CACNA1I: variants seen among roughly 807,000 people sequenced by gnomAD.
CACNA1I encodes calcium voltage-gated channel subunit alpha1 I.
Under a neutral mutation model 201.6 loss-of-function variants are expected in CACNA1I, and 74 were observed. That is an observed-to-expected ratio of 0.37 (90% CI 0.30 to 0.45). CACNA1I has a LOEUF of 0.45. Among genes scored for constraint, CACNA1I ranks in the 20% least tolerant of loss-of-function variants. CACNA1I has a pLI of 1.00. For missense variants in CACNA1I, 2,346 were observed against 3,138.1 expected (o/e 0.75, Z 6.03); for synonymous variants, 1,431 against 1,345.2 (o/e 1.06, Z -1.40).
intron 1 of CACNA1I, among the ~76,000 whole-genome samples, chr22:39,593,731 T>C (rs950121799): frequency 3.3e-5 from 5 of 152,114 alleles, no homozygotes; most frequent in Admixed American, 3.3e-4. Flanking sequence ...GCAAAACAGC[T>C]TGGAGGCAGG....
intron 10 of CACNA1I, among the ~76,000 whole-genome samples, chr22:39,656,870 C>T (rs1270123679): frequency 1.3e-5 from 2 of 152,182 alleles, no homozygotes; most frequent in Non-Finnish European, 1.5e-5. Context: ...CAGGTCTCAA[C>T]GACAGTGCTT....
At chr22:39,644,801 C>T (rs896082872) in intron 7 of CACNA1I, among the ~76,000 whole-genome samples, 8 of 152,170 alleles carry the variant, frequency 5.3e-5, no homozygotes, top group African/African-American at 1.9e-4. Flanking sequence ...GATCATCCCC[C>T]CTCAGCTTCC....
At chr22:39,586,143 A>G (rs1932746961) in intron 1 of CACNA1I, among the ~76,000 whole-genome samples, 1 of 151,698 alleles carries the variant, frequency 6.6e-6, no homozygotes, top group Admixed American at 6.6e-5. Context: ...GTGCCATTGT[A>G]CTCTAGTCTG....
rs987760470 is a variant in CACNA1I, at chr22:39,684,683, G to A, written c.6027+185G>A. 43 of 667,768 alleles carry A rather than the reference G, an allele frequency of 6.4e-5. No individual in the cohort carries two copies. Among genetic ancestry groups the A allele is most frequent in the Non-Finnish European group, 9.3e-5 (36 of 386,678 alleles). 41.4% of individuals were successfully genotyped at this position (667,768 alleles called of 1,614,324 possible). On this transcript the variant is annotated intron_variant, in intron 36 of 36. Coordinates refer to ENST00000402142, the MANE Select transcript of CACNA1I (RefSeq NM_021096.4). The surrounding 1 kb of genome is among the most constrained non-coding windows in gnomAD (Gnocchi z 4.6). The stretch of plus-strand genomic sequence containing the variant: ...CTGGAGGGGGAGGTGGCACTGGGGC[G>A]GATGGAGTGGGCGGGGCTGGGTCCT...
At chr22:39,585,727 GTTT>G (rs34320968) in intron 1 of CACNA1I, among the ~76,000 whole-genome samples, 2 of 83,904 alleles carry the variant, frequency 2.4e-5, no homozygotes, top group Non-Finnish European at 2.0e-5. Context: ...AACTTTTAAA[GTTT>G]TTTTTTTTTT....
intron 31 of CACNA1I, among the ~76,000 whole-genome samples, chr22:39,678,599 C>T (rs957175432): frequency 6.6e-6 from 1 of 152,176 alleles, no homozygotes; most frequent in African/African-American, 2.4e-5. Context: ...CACCCCCACC[C>T]TGCAGAGCCC....
rs754425552 is a variant in CACNA1I, at chr22:39,661,304, C to G, written c.2895C>G (p.Arg965=). The change falls in exon 16 of 37, where the codon CGC becomes CGG. Residue 965 remains arginine (R), a synonymous_variant. Transcript: ENST00000402142. ...MSLGRMSYDQ[R]SLSSSRSSYY... ...TAGGGAGGATGAGCTATGACCAGCGCTCCCTGGTGAGTCCTTGTGGGGAGC... is the reference window on the plus strand; with the variant it reads ...TAGGGAGGATGAGCTATGACCAGCGGTCCCTGGTGAGTCCTTGTGGGGAGC... 6.4e-7 allele frequency: 1 copy of G among 1,566,334 alleles called. No individual in the cohort carries two copies. The highest frequency in any genetic ancestry group is 1.8e-5 in the Admixed American group (1 of 54,378).
At chr22:39,617,836 C>A (rs1290449114) in intron 3 of CACNA1I, among the ~76,000 whole-genome samples, 1 of 135,694 alleles carries the variant, frequency 7.4e-6, no homozygotes, top group Non-Finnish European at 1.6e-5. Flanking sequence ...TTCCCTTGGC[C>A]CCCTCCTCCC....
chr22:39,680,511 T>G (rs1474164890), intron 33 of CACNA1I, among the ~76,000 whole-genome samples: 3 of 152,162 alleles, frequency 2.0e-5, no homozygotes, highest in African/African-American at 7.2e-5. Context: ...GGCTGCAGAT[T>G]CTCCGGTGTC....
intron 3 of CACNA1I, among the ~76,000 whole-genome samples, chr22:39,617,612 G>A (rs376304592): frequency 6.6e-6 from 1 of 152,092 alleles, no homozygotes; most frequent in African/African-American, 2.4e-5. Context: ...TCCATCACAC[G>A]TGTCTCCCGG....
At chr22:39,636,799 C>CT (rs1458983139) in intron 5 of CACNA1I, among the ~76,000 whole-genome samples, 2 of 152,202 alleles carry the variant, frequency 1.3e-5, no homozygotes, top group Non-Finnish European at 2.9e-5. Flanking sequence ...TCGGGCTCTC[C>CT]CCAGCCGGGC....
intron 1 of CACNA1I, among the ~76,000 whole-genome samples, chr22:39,584,443 G>A (rs1932677564): frequency 6.6e-6 from 1 of 152,198 alleles, no homozygotes; most frequent in Admixed American, 6.5e-5. Context: ...ATATCTGGGA[G>A]GCCTGGTGCT....
chr22:39,572,314 G>A (rs1932211386), intron 1 of CACNA1I, among the ~76,000 whole-genome samples: 1 of 152,086 alleles, frequency 6.6e-6, no homozygotes, highest in African/African-American at 2.4e-5. Context: ...GCCCATATGT[G>A]GCTCGAGGTT....
chr22:39,648,020 GGC>G lies in CACNA1I; in HGVS notation c.1567+97_1567+98del. 8.8e-7 allele frequency: 1 copy of G among 1,139,380 alleles called. No individual in the cohort carries two copies. Among genetic ancestry groups the G allele is most frequent in the South Asian group, 1.3e-5 (1 of 76,384 alleles). The allele number at this position is 1,139,380 out of a possible 1,614,324, so 70.6% of individuals were successfully genotyped here. The stretch of plus-strand genomic sequence containing the variant: ...GAAGGAAGTCGGCAGGCATGGGGAC[GGC>G]GCTTGAGCAGCCGCGACCCTCTGCA... On this transcript the variant is annotated intron_variant, in intron 9 of 36. Coordinates refer to ENST00000402142, the MANE Select transcript of CACNA1I (RefSeq NM_021096.4). The surrounding 1 kb of genome is among the most constrained non-coding windows in gnomAD (Gnocchi z 5.4).
Position 39,663,802 on chromosome 22 carries a change from C to T in CACNA1I, c.3558C>T (p.Thr1186=). ...CCTTCATCTTTCTCAACTGCATCAC[C>T]ATCGCCCTGGAGCGGCCTCAGATCG... ...VLAFIFLNCI[T]IALERPQIEA... is the part of the protein sequence containing the mutation. The change falls in exon 19 of 37, where the codon ACC becomes ACT. Residue 1186 remains threonine, a synonymous_variant. Transcript: ENST00000402142. 6.2e-7 allele frequency: 1 copy of T among 1,613,838 alleles called. No homozygotes were observed. Among genetic ancestry groups the T allele is most frequent in the Non-Finnish European group, 8.5e-7 (1 of 1,179,834 alleles).
Position 39,642,746 on chromosome 22 carries a change from G to T in CACNA1I, c.1057-51G>T, listed in dbSNP as rs1178592365. ...TGTCTGGGGCACTGCCTGGGCTACGGGCTTTCTGATGGGCCAGTCCTCTCG... is the reference window on the plus strand; with the variant it reads ...TGTCTGGGGCACTGCCTGGGCTACGTGCTTTCTGATGGGCCAGTCCTCTCG... On this transcript the variant is annotated intron_variant, in intron 6 of 36. Coordinates refer to ENST00000402142, the MANE Select transcript of CACNA1I (RefSeq NM_021096.4). 3 of 1,338,202 alleles carry T rather than the reference G, an allele frequency of 2.2e-6. No individual in the cohort carries two copies. The East Asian group carries it at 7.2e-5, about 32-fold the overall frequency. The allele number at this position is 1,338,202 out of a possible 1,614,324, so 82.9% of individuals were successfully genotyped here.
At position 39,662,445 on chromosome 22, in the gene CACNA1I, G is replaced by C; in HGVS notation, c.3372+10G>C. On this transcript the variant is annotated intron_variant, in intron 17 of 36. Coordinates refer to ENST00000402142, the MANE Select transcript of CACNA1I (RefSeq NM_021096.4). ...GGAGGAAATCGACTACGTGAGTGGG[G>C]GCGGGGCCGAAGGGGACCTGGTGCG... 7.0e-7 allele frequency: 1 copy of C among 1,424,346 alleles called. No individual in the cohort carries two copies. Among genetic ancestry groups the C allele is most frequent in the Middle Eastern group, 2.0e-4 (1 of 4,916 alleles). 88.2% of individuals were successfully genotyped at this position (1,424,346 alleles called of 1,614,324 possible).
Position 39,686,627 on chromosome 22 carries a change from CAT to C in CACNA1I, c.*247_*248del, listed in dbSNP as rs72041195. Reference sequence around the variant, plus strand: ...ATACATACATATATATATATATATGCATATATATATATATATATATATATATG... The same window carrying C: ...ATACATACATATATATATATATATGCATATATATATATATATATATATATG... On this transcript the variant is annotated 3_prime_UTR_variant, in exon 37 of 37. Coordinates refer to ENST00000402142, the MANE Select transcript of CACNA1I (RefSeq NM_021096.4). The C allele has an allele frequency of 0.026, 3,267 of 126,956 alleles. 79 individuals carry two copies. The highest frequency in any genetic ancestry group is 0.056 in the African/African-American group (2,083 of 37,046). The allele number at this position is 126,956 out of a possible 1,614,324, so 7.9% of individuals were successfully genotyped here. A position where few individuals can be genotyped will look rare whatever the true frequency, so the allele number is the denominator to read the frequency against.
Position 39,684,741 on chromosome 22 carries a change from C to A in CACNA1I, c.6027+243C>A. The A allele has an allele frequency of 3.3e-6, 2 of 599,550 alleles. No individual in the cohort carries two copies. The highest frequency in any genetic ancestry group is 5.9e-6 in the Non-Finnish European group (2 of 337,172). 37.1% of individuals were successfully genotyped at this position (599,550 alleles called of 1,614,324 possible). A position where few individuals can be genotyped will look rare whatever the true frequency, so the allele number is the denominator to read the frequency against. Reference sequence around the variant, plus strand: ...GCAGAGTGTGGGGAGGACCCCAAGGCGGGTCTGGAAGAGGCCTGTGATCCC... The same window carrying A: ...GCAGAGTGTGGGGAGGACCCCAAGGAGGGTCTGGAAGAGGCCTGTGATCCC... On this transcript the variant is annotated intron_variant, in intron 36 of 36. Coordinates refer to ENST00000402142, the MANE Select transcript of CACNA1I (RefSeq NM_021096.4). This position sits in a 1 kb window ranked among gnomAD's most constrained non-coding sequence, Gnocchi z 4.6.
Sources: gnomAD v4.1 joint callset for allele counts (sites outside exome capture counted in the v4.1 genomes callset) on GRCh38, gnomAD v4.1.1 for gene constraint, Gnocchi (gnomAD v3.1) non-coding constraint, MANE v1.5 for transcripts, NCBI Gene and HGNC (gene_info 2026-07-23, HGNC 2026-07-21) for gene names.